The following STARD9 variants were observed in gnomAD, a reference collection of about 807,000 sequenced individuals.
The protein encoded by STARD9 is StAR related lipid transfer domain containing 9.
Under a neutral mutation model 399.8 loss-of-function variants are expected in STARD9, and 346 were observed. The ratio of observed to expected loss-of-function variants is 0.87; its 90% CI spans 0.79 to 0.95. The LOEUF (loss-of-function observed/expected upper bound fraction) is 0.95, where lower values mean the gene tolerates loss of function less well. Among genes scored for constraint, STARD9 ranks in the 40% least tolerant of loss-of-function variants. STARD9 has a pLI of 0.00. For synonymous variants in STARD9, 2,203 were observed against 2,143.5 expected (o/e 1.03, Z -0.77); for missense variants, 5,832 against 5,667.5 (o/e 1.03, Z -0.93).
At chr15:42,668,948 A>G (rs1221422136) in intron 15 of STARD9, among the ~76,000 whole-genome samples, 2 of 152,228 alleles carry the variant, frequency 1.3e-5, no homozygotes, top group African/African-American at 4.8e-5. Flanking sequence ...GCTTCTGTTT[A>G]TACAAGTAAC....
chr15:42,652,707 A>T (rs2059787951), intron 9 of STARD9, 115 bp downstream of exon 9: 4 of 960,872 alleles, frequency 4.2e-6, no homozygotes, highest in African/African-American at 1.6e-5. Context: ...ACAGGGTCTC[A>T]GTCTGTTGCC....
At position 42,675,148 on chromosome 15, in the gene STARD9, A is replaced by C. The variant is rs563094911; in HGVS notation, c.1687+184A>C. ...ACAAGCCTTAATTCCAAAGTCTTGG[A>C]GTGAAGAATGACTGTATGAAATTTG... On this transcript the variant is annotated intron_variant, in intron 18 of 32. Transcript: ENST00000290607. Among the ~76,000 whole-genome samples the C allele has an allele frequency of 2.0e-5, 3 of 152,326 alleles. No homozygotes were observed. The South Asian group carries it at 6.2e-4, about 32-fold the overall frequency.
intron 3 of STARD9, among the ~76,000 whole-genome samples, chr15:42,618,290 AC>A (rs776239194): frequency 2.0e-3 from 307 of 150,690 alleles, no homozygotes; most frequent in Non-Finnish European, 3.2e-3. Flanking sequence ...GCGCCACCAC[AC>A]CTGGCTAATT....
intron 9 of STARD9, among the ~76,000 whole-genome samples, chr15:42,653,743 T>C (rs1437762695): frequency 6.6e-6 from 1 of 152,168 alleles, no homozygotes; most frequent in African/African-American, 2.4e-5. Flanking sequence ...GAAAGTGATA[T>C]TAGAAAGTAT....
chr15:42,652,711 T>G lies in STARD9; in HGVS notation c.702+119T>G, dbSNP rs2059788070. 4 of 920,444 alleles carry G rather than the reference T, an allele frequency of 4.3e-6. No homozygotes were observed. The South Asian group carries it at 6.0e-5, about 14-fold the overall frequency. 57.0% of individuals were successfully genotyped at this position (920,444 alleles called of 1,614,324 possible). ...TGGTTTTTGAGACAGGGTCTCAGTC[T>G]GTTGCCCAGACTGGAGTGCAGTGGC... On this transcript the variant is annotated intron_variant, in intron 9 of 32. Transcript: ENST00000290607.
Position 42,692,196 on chromosome 15 carries a change from A to T in STARD9, c.10618A>T (p.Thr3540Ser), listed in dbSNP as rs1485861750. ...TTACGCCAATATTTGTGATCTGTCA[A>T]CCACACACAGCAGCACTGAGAATGC... ...STYANICDLS[T>S]THSSTENAQG... Residue 3540 changes from threonine (T) to serine (S), a missense_variant, in exon 23 of 33, where the codon ACC (threonine) becomes TCC (serine). Transcript: ENST00000290607. The T allele has an allele frequency of 6.5e-7, 1 of 1,536,968 alleles. No individual in the cohort carries two copies. The highest frequency in any genetic ancestry group is 8.7e-7 in the Non-Finnish European group (1 of 1,146,918).
chr15:42,695,192 A>T lies in STARD9; in HGVS notation c.13015A>T (p.Met4339Leu). Residue 4339 changes from methionine (M) to leucine (L), a missense_variant, in exon 25 of 33, where the codon ATG becomes TTG. Met to Leu is a conservative substitution (Grantham distance 15). Around this residue, in one of 2 missense-constraint regions of STARD9, gnomAD observed 5,828 missense variants for 5,651.1 expected, o/e 1.03. Transcript: ENST00000290607. ...TCACACACCCTCTGACATAGAGTTG[A>T]TGCTGCAAGACTACCAGCAGGCCCA... ...SAHTPSDIEL[M>L]LQDYQQAHEE... 6.5e-7 allele frequency: 1 copy of T among 1,537,168 alleles called. No individual in the cohort carries two copies. Among genetic ancestry groups the T allele is most frequent in the Non-Finnish European group, 8.7e-7 (1 of 1,146,866 alleles).
intron 16 of STARD9, chr15:42,673,033 G>C (rs369957462): frequency 5.2e-5 from 8 of 152,672 alleles, no homozygotes; most frequent in African/African-American, 1.9e-4. Flanking sequence ...GGGAGGCAGA[G>C]GTTGCGGTGA....
intron 26 of STARD9, among the ~76,000 whole-genome samples, chr15:42,705,520 G>A (rs991524878): frequency 3.4e-4 from 51 of 151,620 alleles, no homozygotes; most frequent in African/African-American, 1.1e-3. Flanking sequence ...TGCAACCTCC[G>A]CCTCCCAGGT....
intron 3 of STARD9, among the ~76,000 whole-genome samples, chr15:42,604,942 C>T (rs945630125): frequency 6.6e-6 from 1 of 152,100 alleles, no homozygotes; most frequent in African/African-American, 2.4e-5. Context: ...CGCGCCTGAC[C>T]TGGATCGAAT....
chr15:42,652,450 T>C (rs918928586), intron 8 of STARD9, 70 bp from the exon 9 acceptor site: 1 of 1,272,730 alleles, frequency 7.9e-7, no homozygotes, highest in Admixed American at 2.0e-5. Context: ...TCTTGTATTC[T>C]GTATGGATCC....
chr15:42,651,664 T>G (rs1030580292), intron 8 of STARD9, among the ~76,000 whole-genome samples: 22 of 152,178 alleles, frequency 1.4e-4, no homozygotes, highest in Non-Finnish European at 2.5e-4. Flanking sequence ...AAAAGGTCTT[T>G]AGAGCCTTCT....
At chr15:42,591,468 A>G (rs920307075) in intron 3 of STARD9, among the ~76,000 whole-genome samples, 3 of 151,902 alleles carry the variant, frequency 2.0e-5, no homozygotes, top group African/African-American at 7.3e-5. Context: ...AGCCAGGGCA[A>G]CAGAGCAAGA....
intron 26 of STARD9, among the ~76,000 whole-genome samples, chr15:42,712,342 T>G (rs1246876488): frequency 6.6e-6 from 1 of 150,820 alleles, no homozygotes; most frequent in Non-Finnish European, 1.5e-5. Flanking sequence ...CAGTTTATTT[T>G]TTATTGTTGT....
At chr15:42,652,716 C>G in intron 9 of STARD9, 124 bp downstream of exon 9, 2 of 868,084 alleles carry the variant, frequency 2.3e-6, no homozygotes, top group Non-Finnish European at 3.6e-6. Flanking sequence ...CAGTCTGTTG[C>G]CCAGACTGGA....
intron 15 of STARD9, among the ~76,000 whole-genome samples, chr15:42,666,090 C>G (rs1485721343): frequency 6.6e-6 from 1 of 152,178 alleles, no homozygotes; most frequent in Non-Finnish European, 1.5e-5. Context: ...GTGAGAGTAG[C>G]CTGGGGGCAA....
At chr15:42,610,049 C>T (rs975232388) in intron 3 of STARD9, among the ~76,000 whole-genome samples, 3 of 152,062 alleles carry the variant, frequency 2.0e-5, no homozygotes, top group Admixed American at 2.0e-4. Flanking sequence ...GCTTAGATCA[C>T]GGCACTGAAC....
At position 42,689,093 on chromosome 15, in the gene STARD9, G is replaced by A; in HGVS notation, c.7515G>A (p.Arg2505=). Residue 2505 remains arginine, a synonymous_variant, in exon 23 of 33, where the codon AGG becomes AGA. Coordinates refer to ENST00000290607, the MANE Select transcript of STARD9 (RefSeq NM_020759.3). ...EEDSDQASKP[R]QKAEKETEDV... ...ATAGTGACCAAGCCAGCAAGCCAAGGCAGAAGGCAGAGAAGGAGACTGAGG... is the reference window on the plus strand; with the variant it reads ...ATAGTGACCAAGCCAGCAAGCCAAGACAGAAGGCAGAGAAGGAGACTGAGG... 2 of 1,537,298 alleles carry A rather than the reference G, an allele frequency of 1.3e-6. No homozygotes were observed. Among genetic ancestry groups the A allele is most frequent in the Non-Finnish European group, 1.7e-6 (2 of 1,146,914 alleles).
In STARD9 at chr15:42,665,481, C is replaced by T. The variant is rs1487270088; in HGVS notation, c.1254+151C>T. Among the ~76,000 whole-genome samples, 3 of 152,206 alleles carry T rather than the reference C, an allele frequency of 2.0e-5. No individual in the cohort carries two copies. In the East Asian group the frequency reaches 5.8e-4, roughly 29 times the overall value. On this transcript the variant is annotated intron_variant, in intron 14 of 32. Coordinates refer to ENST00000290607, the MANE Select transcript of STARD9 (RefSeq NM_020759.3). ...AGGAGCAAAGACAAAACAGAGATTT[C>T]TCTGATTTCTCAGTGTAGCTTCAGA... is the stretch of plus-strand genomic sequence containing the variant.
Sources: allele counts gnomAD v4.1 joint callset (sites outside exome capture counted in the v4.1 genomes callset), GRCh38; gene constraint gnomAD v4.1.1; regional missense constraint gnomAD v4.1.1; transcripts MANE v1.5; gene names NCBI Gene and HGNC (gene_info 2026-07-23, HGNC 2026-07-21).